Variants in EBF3 observed in about 807,000 individuals in gnomAD.
EBF3 encodes the protein transcription factor COE3.
Under a neutral mutation model 77.1 loss-of-function variants are expected in EBF3, and 18 were observed. The ratio of observed to expected loss-of-function variants is 0.23; its 90% CI spans 0.16 to 0.35. The LOEUF is 0.35. Ranked by LOEUF, EBF3 falls within the 10% of genes least tolerant of loss-of-function variation. The pLI is 1.00. For missense variants in EBF3, 558 were observed against 860.0 expected (o/e 0.65, Z 4.39); for synonymous variants, 350 against 343.5 (o/e 1.02, Z -0.21).
rs367964702 is a variant in EBF3 at position 129,859,291 on chromosome 10, G to A, written c.1039+7850C>T. Among the ~76,000 whole-genome samples, 350 of 152,130 alleles carry A rather than the reference G, an allele frequency of 2.3e-3. 1 individual carries two copies. The highest frequency in any genetic ancestry group is 8.1e-3 in the African/African-American group (337 of 41,492). On this transcript the variant is annotated intron_variant, in intron 10 of 16. Transcript: ENST00000440978. Reference sequence around the variant, plus strand: ...GGCTGGAGTGTGGTGGCACAATCTCGGCTCACTGCAGCCTCCGCCTCCCGG... The same window carrying A: ...GGCTGGAGTGTGGTGGCACAATCTCAGCTCACTGCAGCCTCCGCCTCCCGG...
rs752382581 is a variant in EBF3, at chr10:129,897,202, C to T, written c.555-19353G>A. On this transcript the variant is annotated intron_variant, in intron 6 of 16. Transcript: ENST00000440978. The surrounding 1 kb of genome is among the most constrained non-coding windows in gnomAD (Gnocchi z 4.6). Reference sequence around the variant, plus strand: ...ACTCGCGGTGTACACGGGCCCTCCACGCAGCCAGGAAGGGGTTCTGCTCTT... The same window carrying T: ...ACTCGCGGTGTACACGGGCCCTCCATGCAGCCAGGAAGGGGTTCTGCTCTT... 2.0e-5 allele frequency among the ~76,000 whole-genome samples: 3 copies of T among 152,186 alleles called. No homozygotes were observed. The highest frequency in any genetic ancestry group is 4.8e-5 in the African/African-American group (2 of 41,436).
intron 6 of EBF3, 117 bp downstream of exon 6, chr10:129,957,141 T>C (rs1859099095): frequency 2.3e-6 from 2 of 863,524 alleles, no homozygotes; most frequent in Non-Finnish European, 3.7e-6. Flanking sequence ...AATGGTGCAA[T>C]GCACAAGATG....
intron 10 of EBF3, among the ~76,000 whole-genome samples, chr10:129,852,607 ATG>A (rs1850970124): frequency 6.6e-6 from 1 of 152,206 alleles, no homozygotes; most frequent in Admixed American, 6.5e-5. Context: ...CAAAATGTAT[ATG>A]ATTATTTTAT....
Position 129,863,290 on chromosome 10 carries a change from G to A in EBF3, c.1039+3851C>T, listed in dbSNP as rs60674430. On this transcript the variant is annotated intron_variant, in intron 10 of 16. Coordinates refer to ENST00000440978, the MANE Select transcript of EBF3 (RefSeq NM_001375380.1). This position sits in a 1 kb window ranked among gnomAD's most constrained non-coding sequence, Gnocchi z 4.0. The stretch of plus-strand genomic sequence containing the variant: ...TTGTGACTCATTCTTTTAATTCACC[G>A]TGCTAATCAACTGAACCGCCACAGC... Among the ~76,000 whole-genome samples, 5,359 of 152,182 alleles carry A rather than the reference G, an allele frequency of 0.035. 300 individuals are homozygous for A. Among genetic ancestry groups the A allele is most frequent in the African/African-American group, 0.12 (5,052 of 41,486 alleles).
chr10:129,870,474 C>A lies in EBF3; in HGVS notation c.782-2562G>T, dbSNP rs576138213. The stretch of plus-strand genomic sequence containing the variant: ...CCTGAAGACAGATCCTGGTCTGCAG[C>A]TTTCAGCGTGGCCCACCCTCCTGGG... On this transcript the variant is annotated intron_variant, in intron 8 of 16. Transcript: ENST00000440978. The surrounding 1 kb of genome is among the most constrained non-coding windows in gnomAD (Gnocchi z 4.4). Among the ~76,000 whole-genome samples the A allele has an allele frequency of 2.6e-5, 4 of 152,220 alleles. No homozygotes were observed. Among genetic ancestry groups the A allele is most frequent in the African/African-American group, 9.6e-5 (4 of 41,550 alleles).
rs914045738 is a variant in EBF3 at position 129,842,781 on chromosome 10, AGG to A, written c.1194+354_1194+355del. Reference sequence around the variant, plus strand: ...CCTGTCTAAAAAAAAAAAAAAAAAAAGGGAGCAACATTTGCTGTGTTCTGTCC... The same window carrying A: ...CCTGTCTAAAAAAAAAAAAAAAAAAAGAGCAACATTTGCTGTGTTCTGTCC... On this transcript the variant is annotated intron_variant, in intron 12 of 16. Coordinates refer to ENST00000440978, the MANE Select transcript of EBF3 (RefSeq NM_001375380.1). This position sits in a 1 kb window ranked among gnomAD's most constrained non-coding sequence, Gnocchi z 4.4. Among the ~76,000 whole-genome samples the A allele has an allele frequency of 6.7e-6, 1 of 148,730 alleles. No individual in the cohort carries two copies. The highest frequency in any genetic ancestry group is 2.0e-4 in the East Asian group (1 of 5,058).
chr10:129,870,646 T>C lies in EBF3; in HGVS notation c.782-2734A>G, dbSNP rs1023163791. 6.6e-6 allele frequency among the ~76,000 whole-genome samples: 1 copy of C among 151,968 alleles called. No individual in the cohort carries two copies. The highest frequency in any genetic ancestry group is 2.4e-5 in the African/African-American group (1 of 41,374). On this transcript the variant is annotated intron_variant, in intron 8 of 16. Coordinates refer to ENST00000440978, the MANE Select transcript of EBF3 (RefSeq NM_001375380.1). This position sits in a 1 kb window ranked among gnomAD's most constrained non-coding sequence, Gnocchi z 4.4. ...GCTCACAAGGAACACCCTCTGCCCA[T>C]CGTGACCCCCGCCGGCTCTCCCCAG...
At chr10:129,876,591 A>G (rs1421646085) in intron 7 of EBF3, among the ~76,000 whole-genome samples, 2 of 152,244 alleles carry the variant, frequency 1.3e-5, no homozygotes, top group African/African-American at 2.4e-5. Context: ...GGACTGAGGC[A>G]TAAGTTAAAT....
chr10:129,890,170 T>C lies in EBF3; in HGVS notation c.555-12321A>G, dbSNP rs574943340. Reference sequence around the variant, plus strand: ...AATGAAAATTTTTTCATGTATAAAATCCTTAATCAAAATGCGAGTGGTGTC... The same window carrying C: ...AATGAAAATTTTTTCATGTATAAAACCCTTAATCAAAATGCGAGTGGTGTC... On this transcript the variant is annotated intron_variant, in intron 6 of 16. Coordinates refer to ENST00000440978, the MANE Select transcript of EBF3 (RefSeq NM_001375380.1). Among the ~76,000 whole-genome samples the C allele has an allele frequency of 5.3e-5, 8 of 152,188 alleles. No individual in the cohort carries two copies. In the South Asian group the frequency reaches 1.7e-3, roughly 32 times the overall value.
chr10:129,898,923 G>A (rs1239680061), intron 6 of EBF3, among the ~76,000 whole-genome samples: 1 of 152,234 alleles, frequency 6.6e-6, no homozygotes, highest in Non-Finnish European at 1.5e-5. Flanking sequence ...TTGCATCCTC[G>A]GATAACGTGC....
intron 6 of EBF3, among the ~76,000 whole-genome samples, chr10:129,882,738 T>C (rs1853294622): frequency 6.6e-6 from 1 of 152,254 alleles, no homozygotes; most frequent in South Asian, 2.1e-4. Flanking sequence ...TCTGACACCA[T>C]CCCTACCCTC....
At chr10:129,946,909 C>G (rs1217043982) in intron 6 of EBF3, among the ~76,000 whole-genome samples, 1 of 152,250 alleles carries the variant, frequency 6.6e-6, no homozygotes, top group African/African-American at 2.4e-5. Context: ...TCGCTGGCCT[C>G]CCCCTCTGCA....
At chr10:129,858,886 C>T (rs952622680) in intron 10 of EBF3, among the ~76,000 whole-genome samples, 4 of 152,256 alleles carry the variant, frequency 2.6e-5, no homozygotes, top group African/African-American at 9.6e-5. Context: ...AAAAGAATGA[C>T]CCCGGCCACG....
chr10:129,959,295 G>C (rs1859292679), intron 4 of EBF3, among the ~76,000 whole-genome samples: 1 of 152,072 alleles, frequency 6.6e-6, no homozygotes, highest in Non-Finnish European at 1.5e-5. Context: ...GCCGCGGGGA[G>C]GGCAGGGCGA....
Position 129,863,800 on chromosome 10 carries a change from T to A in EBF3, c.1039+3341A>T, listed in dbSNP as rs548530353. Among the ~76,000 whole-genome samples, 1 of 152,304 alleles carries A rather than the reference T, an allele frequency of 6.6e-6. No individual in the cohort carries two copies. The highest frequency in any genetic ancestry group is 1.9e-4 in the East Asian group (1 of 5,184). Reference sequence around the variant, plus strand: ...GGTCAGACAGGTCATGACCCTACCTTTCCTCTGCTCCCCAGCCTGTAGAGC... The same window carrying A: ...GGTCAGACAGGTCATGACCCTACCTATCCTCTGCTCCCCAGCCTGTAGAGC... On this transcript the variant is annotated intron_variant, in intron 10 of 16. Transcript: ENST00000440978. This position sits in a 1 kb window ranked among gnomAD's most constrained non-coding sequence, Gnocchi z 4.0.
intron 6 of EBF3, among the ~76,000 whole-genome samples, chr10:129,903,116 T>A (rs1311623968): frequency 6.6e-6 from 1 of 152,244 alleles, no homozygotes; most frequent in African/African-American, 2.4e-5. Flanking sequence ...TTCACCTTTT[T>A]CTTGACATCT....
chr10:129,915,462 G>GCACACA (rs3041735), intron 6 of EBF3, among the ~76,000 whole-genome samples: 6 of 139,632 alleles, frequency 4.3e-5, no homozygotes, highest in Non-Finnish European at 7.6e-5. Context: ...GCGCACACAT[G>GCACACA]CACACACACA....
rs1003350659 is a variant in EBF3 at position 129,841,996 on chromosome 10, A to G, written c.1372+120T>C. 3.0e-6 allele frequency: 4 copies of G among 1,311,760 alleles called. No individual in the cohort carries two copies. In the Admixed American group the frequency reaches 9.0e-5, roughly 29 times the overall value. 81.3% of individuals were successfully genotyped at this position (1,311,760 alleles called of 1,614,324 possible). On this transcript the variant is annotated intron_variant, in intron 13 of 16. Coordinates refer to ENST00000440978, the MANE Select transcript of EBF3 (RefSeq NM_001375380.1). This position sits in a 1 kb window ranked among gnomAD's most constrained non-coding sequence, Gnocchi z 4.6. Reference sequence around the variant, plus strand: ...TGAGCAAAGGAACCAGCAGAGCCAGAGAGAACAGAACGCTACGGACATTCC... The same window carrying G: ...TGAGCAAAGGAACCAGCAGAGCCAGGGAGAACAGAACGCTACGGACATTCC...
At chr10:129,956,597 C>A (rs1859055726) in intron 6 of EBF3, among the ~76,000 whole-genome samples, 1 of 152,098 alleles carries the variant, frequency 6.6e-6, no homozygotes, top group East Asian at 1.9e-4. Context: ...TGCAGCATTG[C>A]CCAAGGAATA....
Sources: gnomAD v4.1 joint callset for allele counts (sites outside exome capture counted in the v4.1 genomes callset) on GRCh38, gnomAD v4.1.1 for gene constraint, Gnocchi (gnomAD v3.1) non-coding constraint, MANE v1.5 for transcripts, NCBI Gene and HGNC (gene_info 2026-07-23, HGNC 2026-07-21) for gene names.